PDE4D: variants seen among roughly 807,000 people sequenced by gnomAD.
PDE4D encodes phosphodiesterase 4D.
Under a neutral mutation model 87.4 loss-of-function variants are expected in PDE4D, and 24 were observed. The ratio of observed to expected loss-of-function variants is 0.27; its 90% confidence interval spans 0.20 to 0.39. The LOEUF is 0.39. Ranked by LOEUF, PDE4D falls within the 10% of genes least tolerant of loss-of-function variation. PDE4D has a pLI of 1.00. For synonymous variants in PDE4D, 384 were observed against 383.2 expected (o/e 1.00, Z -0.02); for missense variants, 714 against 1,041.0 (o/e 0.69, Z 4.32).
chr5:59,847,302 G>A (rs553249717), intron 1 of PDE4D, among the ~76,000 whole-genome samples: 1 of 152,104 alleles, frequency 6.6e-6, no homozygotes, highest in East Asian at 1.9e-4. Flanking sequence ...CCATGAACCT[G>A]CGGAGTAGGT....
At chr5:59,261,264 G>A (rs17528453) in intron 1 of PDE4D, among the ~76,000 whole-genome samples, 5,793 of 151,816 alleles carry the variant, frequency 0.038, 192 homozygotes, top group Admixed American at 0.098. Context: ...GTCTTTGATA[G>A]TCCATTCGAA....
chr5:59,545,518 A>G (rs987046505), intron 1 of PDE4D, among the ~76,000 whole-genome samples: 24 of 152,196 alleles, frequency 1.6e-4, no homozygotes, highest in African/African-American at 5.5e-4. Context: ...ACCATAGATA[A>G]CTGGAAACTA....
intron 3 of PDE4D, among the ~76,000 whole-genome samples, chr5:59,934,876 T>C (rs1756392495): frequency 6.6e-6 from 1 of 152,158 alleles, no homozygotes; most frequent in Non-Finnish European, 1.5e-5. Context: ...CAACCACATA[T>C]TTAAAAGCAA....
At chr5:59,079,124 T>C (rs1254972834) in intron 5 of PDE4D, among the ~76,000 whole-genome samples, 1 of 152,158 alleles carries the variant, frequency 6.6e-6, no homozygotes, top group Admixed American at 6.5e-5. Flanking sequence ...ACAAAATGGA[T>C]TAAGGCAGAT....
intron 1 of PDE4D, among the ~76,000 whole-genome samples, chr5:59,305,630 T>A (rs1771178008): frequency 6.6e-6 from 1 of 152,146 alleles, no homozygotes; most frequent in African/African-American, 2.4e-5. Context: ...AATAATTGTA[T>A]AATTTCCATC....
chr5:59,394,584 A>C (rs1384005768), intron 1 of PDE4D, among the ~76,000 whole-genome samples: 1 of 129,552 alleles, frequency 7.7e-6, no homozygotes, highest in Non-Finnish European at 1.7e-5. Context: ...CATATACTAT[A>C]TTACAAGTTT....
intron 6 of PDE4D, among the ~76,000 whole-genome samples, chr5:59,011,756 C>T (rs1011283688): frequency 6.6e-6 from 1 of 152,142 alleles, no homozygotes; most frequent in Non-Finnish European, 1.5e-5. Context: ...GAGAAATTCC[C>T]CAACCTAGCA....
chr5:60,471,286 T>A (rs1398739451), intron 1 of PDE4D, among the ~76,000 whole-genome samples: 1 of 152,146 alleles, frequency 6.6e-6, no homozygotes, highest in East Asian at 1.9e-4. Flanking sequence ...ATTTGAAGAT[T>A]TGAGGAGCTG....
intron 3 of PDE4D, among the ~76,000 whole-genome samples, chr5:59,959,172 G>C (rs1452426286): frequency 6.6e-6 from 1 of 151,234 alleles, no homozygotes; most frequent in Admixed American, 6.6e-5. Context: ...ATCTCTACAA[G>C]GAGAACTACA....
intron 1 of PDE4D, among the ~76,000 whole-genome samples, chr5:59,658,148 T>G (rs1435199123): frequency 6.6e-6 from 1 of 152,218 alleles, no homozygotes; most frequent in Non-Finnish European, 1.5e-5. Flanking sequence ...GTTCGCTTAC[T>G]CTATGCCAGG....
intron 2 of PDE4D, among the ~76,000 whole-genome samples, chr5:60,044,353 A>T (rs1428051937): frequency 7.7e-6 from 1 of 129,866 alleles, no homozygotes; most frequent in Non-Finnish European, 1.6e-5. Context: ...CTTCATTTAT[A>T]CTCTAGTTTT....
intron 1 of PDE4D, among the ~76,000 whole-genome samples, chr5:60,409,511 T>C (rs537961659): frequency 7.2e-5 from 11 of 152,176 alleles, no homozygotes; most frequent in Non-Finnish European, 1.3e-4. Flanking sequence ...ATAGCAATTA[T>C]CCTGTGCTAA....
At chr5:60,140,927 T>C (rs1780479858) in intron 2 of PDE4D, among the ~76,000 whole-genome samples, 2 of 152,174 alleles carry the variant, frequency 1.3e-5, no homozygotes, top group African/African-American at 4.8e-5. Context: ...TAAACCTTTA[T>C]TAAAAGGTTA....
At chr5:59,213,106 T>C (rs1581410948) in intron 2 of PDE4D, among the ~76,000 whole-genome samples, 1 of 151,138 alleles carries the variant, frequency 6.6e-6, no homozygotes, top group Admixed American at 6.6e-5. Flanking sequence ...CTTTTACTCT[T>C]CTTCTCCTTC....
chr5:59,342,923 C>T (rs540964183), intron 1 of PDE4D, among the ~76,000 whole-genome samples: 3 of 151,202 alleles, frequency 2.0e-5, no homozygotes, highest in Non-Finnish European at 4.4e-5. Flanking sequence ...AACTCACATA[C>T]TTTTTTGTGG....
At chr5:59,244,410 A>G (rs1758326461) in intron 1 of PDE4D, among the ~76,000 whole-genome samples, 1 of 147,780 alleles carries the variant, frequency 6.8e-6, no homozygotes, top group South Asian at 2.1e-4. Flanking sequence ...AATAATAAAT[A>G]AAAATTTTCA....
chr5:59,031,580 C>A (rs1312639867), intron 6 of PDE4D, among the ~76,000 whole-genome samples: 1 of 147,942 alleles, frequency 6.8e-6, no homozygotes, highest in Non-Finnish European at 1.5e-5. Context: ...TGGTAGCGGG[C>A]GCCTGTAGTC....
rs555986934 is a variant in PDE4D, at chr5:59,991,995, C to A, written c.43-3278G>T. On this transcript the variant is annotated intron_variant, in intron 2 of 16. Transcript: ENST00000502484. ...CACCCTCCATGTGGGTAGGCACCAT[C>A]TAATCAGCTGCAAGCACAGCTGGGT... 1.5e-4 allele frequency among the ~76,000 whole-genome samples: 23 copies of A among 152,288 alleles called. No homozygotes were observed. The East Asian group carries it at 2.7e-3, about 18-fold the overall frequency.
chr5:59,085,102 T>A (rs532440335), intron 5 of PDE4D, among the ~76,000 whole-genome samples: 5 of 152,266 alleles, frequency 3.3e-5, no homozygotes, highest in Non-Finnish European at 4.4e-5. Flanking sequence ...CTATAAAGAC[T>A]CTACACAAAG....
Sources: gnomAD v4.1 joint callset for allele counts (sites outside exome capture counted in the v4.1 genomes callset) on GRCh38, gnomAD v4.1.1 for gene constraint, MANE v1.5 for transcripts, NCBI Gene and HGNC (gene_info 2026-07-23, HGNC 2026-07-21) for gene names.